COBLL1: variants seen among roughly 807,000 people sequenced by gnomAD.
The protein encoded by COBLL1 is cordon-bleu protein-like 1.
Under a neutral mutation model 94.8 loss-of-function variants are expected in COBLL1, and 50 were observed. The observed-to-expected ratio is 0.53, with a 90% CI of 0.42 to 0.67. COBLL1 has a LOEUF of 0.67. COBLL1 is among the 30% of genes least tolerant of loss of function. COBLL1 has a pLI of 0.00. For missense variants in COBLL1, 1,362 were observed against 1,348.7 expected (o/e 1.01, Z -0.15); for synonymous variants, 448 against 473.8 (o/e 0.95, Z 0.71).
In COBLL1 at chr2:164,694,829, A is replaced by T. The variant is rs1574421179; in HGVS notation, c.2563T>A (p.Ser855Thr). ...TTGGCCTGGGCATTTGAAGCCCGAG[A>T]TTTAAATTTTGATTCCAAAATATTG... is the stretch of plus-strand genomic sequence containing the variant. The part of the protein sequence containing the change: ...INNILESKFK[S>T]RASNAQAKPS... Residue 855 changes from serine to threonine, a missense_variant, in exon 12 of 14, where the codon TCT becomes ACT. Transcript: ENST00000652658. 11 of 1,613,770 alleles carry T rather than the reference A, an allele frequency of 6.8e-6. No homozygotes were observed. In the East Asian group the frequency reaches 2.2e-4, roughly 33 times the overall value.
chr2:164,802,885 G>A lies in COBLL1; in HGVS notation c.41+38271C>T, dbSNP rs577342537. Reference sequence around the variant, plus strand: ...AGGGGAGGGAGGCAAACTGAAAAATGAATAATTAAAGGAAGACATGAATAG... The same window carrying A: ...AGGGGAGGGAGGCAAACTGAAAAATAAATAATTAAAGGAAGACATGAATAG... On this transcript the variant is annotated intron_variant, in intron 2 of 13. Transcript: ENST00000652658. Among the ~76,000 whole-genome samples, 5 of 152,178 alleles carry A rather than the reference G, an allele frequency of 3.3e-5. No homozygotes were observed. The South Asian group carries it at 1.0e-3, about 32-fold the overall frequency.
chr2:164,753,739 ATTTT>A (rs71393637), intron 2 of COBLL1, among the ~76,000 whole-genome samples: 1 of 138,612 alleles, frequency 7.2e-6, no homozygotes, highest in Non-Finnish European at 1.6e-5. Context: ...GAGTATGGGA[ATTTT>A]TTTTTTTTTT....
At chr2:164,698,901 T>C (rs1255000398) in intron 11 of COBLL1, among the ~76,000 whole-genome samples, 1 of 151,814 alleles carries the variant, frequency 6.6e-6, no homozygotes, top group Non-Finnish European at 1.5e-5. Context: ...AAAAAATAAG[T>C]TGTGCTAATA....
chr2:164,686,095 A>G (rs569476397), intron 13 of COBLL1, 63 bp from the exon 14 acceptor site: 7 of 784,308 alleles, frequency 8.9e-6, no homozygotes, highest in Middle Eastern at 2.4e-4. Context: ...CTAATTTTCA[A>G]TTTTCAACAG....
At chr2:164,778,401 G>A (rs1688574835) in intron 2 of COBLL1, among the ~76,000 whole-genome samples, 1 of 152,182 alleles carries the variant, frequency 6.6e-6, no homozygotes, top group Non-Finnish European at 1.5e-5. Context: ...GAGGTCAGGA[G>A]TTCAAGACCA....
intron 2 of COBLL1, among the ~76,000 whole-genome samples, chr2:164,765,871 T>C (rs1442694454): frequency 6.6e-6 from 1 of 152,118 alleles, no homozygotes; most frequent in African/African-American, 2.4e-5. Context: ...ATCTCTGAAG[T>C]TCTTTTCATT....
At chr2:164,713,342 T>A (rs1558945337) in intron 7 of COBLL1, among the ~76,000 whole-genome samples, 1 of 152,116 alleles carries the variant, frequency 6.6e-6, no homozygotes, top group Middle Eastern at 3.4e-3. Flanking sequence ...AAGAAATAGG[T>A]CAGCAGTACC....
At chr2:164,722,026 G>T in intron 7 of COBLL1, 49 bp downstream of exon 7, 1 of 1,365,278 alleles carries the variant, frequency 7.3e-7, no homozygotes, top group Non-Finnish European at 1.0e-6. Flanking sequence ...AAAAATAAAT[G>T]GTACACTGCC....
chr2:164,698,009 A>T (rs1684042351), intron 11 of COBLL1: 1 of 152,068 alleles, frequency 6.6e-6, no homozygotes, highest in Non-Finnish European at 1.5e-5. Context: ...TTTAAGAATA[A>T]TAGACATTAT....
Position 164,692,188 on chromosome 2 carries a change from C to A in COBLL1, c.3300+33G>T, listed in dbSNP as rs149382043. 14 of 1,533,978 alleles carry A rather than the reference C, an allele frequency of 9.1e-6. No homozygotes were observed. In the Admixed American group the frequency reaches 2.8e-4, roughly 30 times the overall value. ...TTAGTTTGACAATGGTGACAATAAA[C>A]CCACTGTCACCCATCTGATAAAGAA... On this transcript the variant is annotated intron_variant, in intron 13 of 13. Coordinates refer to ENST00000652658, the MANE Select transcript of COBLL1 (RefSeq NM_001365672.2).
chr2:164,689,137 G>T lies in COBLL1; in HGVS notation c.3300+3084C>A, dbSNP rs192980946. ...TACATGTGGGTTGAGTAGGGGTAAG[G>T]TATGCAAAAAATCCCTTCTGAAACA... On this transcript the variant is annotated intron_variant, in intron 13 of 13. Transcript: ENST00000652658. Among the ~76,000 whole-genome samples, 62 of 151,982 alleles carry T rather than the reference G, an allele frequency of 4.1e-4. No homozygotes were observed. The East Asian group carries it at 9.5e-3, about 23-fold the overall frequency.
intron 2 of COBLL1, among the ~76,000 whole-genome samples, chr2:164,748,135 A>T (rs757088406): frequency 5.3e-5 from 8 of 152,128 alleles, no homozygotes; most frequent in Non-Finnish European, 1.0e-4. Context: ...AGGGTCAATT[A>T]TATGTTAGTT....
chr2:164,793,792 C>A (rs770135961), intron 2 of COBLL1, among the ~76,000 whole-genome samples: 1 of 152,188 alleles, frequency 6.6e-6, no homozygotes, highest in African/African-American at 2.4e-5. Flanking sequence ...TTTAACAATT[C>A]AAAACCAAGC....
intron 2 of COBLL1, among the ~76,000 whole-genome samples, chr2:164,828,972 T>C (rs544444544): frequency 1.3e-5 from 2 of 152,300 alleles, no homozygotes; most frequent in South Asian, 4.1e-4. Flanking sequence ...GTGAAGGAAG[T>C]GGGTGACAGG....
At chr2:164,817,125 A>C (rs1201052820) in intron 2 of COBLL1, among the ~76,000 whole-genome samples, 2 of 152,072 alleles carry the variant, frequency 1.3e-5, no homozygotes, top group African/African-American at 4.8e-5. Context: ...AATGATGAGA[A>C]CTCACTGAGC....
chr2:164,815,736 T>C (rs1157564491), intron 2 of COBLL1, among the ~76,000 whole-genome samples: 1 of 152,070 alleles, frequency 6.6e-6, no homozygotes, highest in Non-Finnish European at 1.5e-5. Context: ...TGGTTAAAGA[T>C]CCATGGGAAT....
chr2:164,721,187 C>A (rs1685424816), intron 7 of COBLL1, among the ~76,000 whole-genome samples: 1 of 152,058 alleles, frequency 6.6e-6, no homozygotes, highest in South Asian at 2.1e-4. Flanking sequence ...ATTTACTAAG[C>A]CCCCAAGGGG....
chr2:164,818,709 T>C (rs1685001557), intron 2 of COBLL1, among the ~76,000 whole-genome samples: 1 of 135,416 alleles, frequency 7.4e-6, no homozygotes, highest in African/African-American at 2.9e-5. Flanking sequence ...TATGTAAACA[T>C]ATATAGTATA....
At chr2:164,737,930 G>A (rs1686397461) in intron 3 of COBLL1, among the ~76,000 whole-genome samples, 1 of 152,154 alleles carries the variant, frequency 6.6e-6, no homozygotes, top group Admixed American at 6.5e-5. Flanking sequence ...AAGCATGTGC[G>A]ACATGTCTCT....
Sources: gnomAD v4.1 joint callset for allele counts (sites outside exome capture counted in the v4.1 genomes callset) on GRCh38, gnomAD v4.1.1 for gene constraint, MANE v1.5 for transcripts, NCBI Gene and HGNC (gene_info 2026-07-23, HGNC 2026-07-21) for gene names.